RECQL5: variants seen among roughly 807,000 people sequenced by gnomAD.
The protein encoded by RECQL5 is RecQ like helicase 5, also known as ATP-dependent DNA helicase Q5.
RECQL5 carries 88 observed loss-of-function variants against 103.4 expected under a neutral mutation model. The ratio of observed to expected loss-of-function variants is 0.85; its 90% CI spans 0.72 to 1.02. The LOEUF (loss-of-function observed/expected upper bound fraction) is 1.02. Among genes scored for constraint, RECQL5 ranks in the 50% least tolerant of loss-of-function variants. The probability of loss-of-function intolerance (pLI) is 0.00; values close to 1 mark genes in which losing one functional copy is unlikely to be tolerated. For missense variants in RECQL5, 1,232 were observed against 1,284.3 expected (o/e 0.96, Z 0.62); for synonymous variants, 552 against 507.9 (o/e 1.09, Z -1.17).
intron 8 of RECQL5, 28 bp from the exon 9 acceptor site, chr17:75,631,696 G>C (rs770722205): frequency 6.3e-7 from 1 of 1,599,404 alleles, no homozygotes; most frequent in Non-Finnish European, 8.5e-7. Context: ...GCAGAGGTGA[G>C]GGGCGGAGAG....
chr17:75,665,527 T>G (rs1323054451), intron 2 of RECQL5, among the ~76,000 whole-genome samples: 1 of 152,018 alleles, frequency 6.6e-6, no homozygotes, highest in Non-Finnish European at 1.5e-5. Context: ...CTGTCTCTAC[T>G]AAGAATACAA....
At chr17:75,641,009 C>T in intron 8 of RECQL5, 1 of 1,471,902 alleles carries the variant, frequency 6.8e-7, no homozygotes. Context: ...CCCCTGGCCC[C>T]AGCTCTGGCC....
chr17:75,631,663 C>T lies in RECQL5; in HGVS notation c.1235G>A (p.Arg412His), dbSNP rs765733002. The change falls in exon 9 of 20, where the codon CGC (arginine) becomes CAC (histidine). Residue 412 changes from arginine to histidine, a missense_variant. By Grantham distance (29) the Arg-to-His change is conservative (BLOSUM62 0). Coordinates refer to ENST00000317905, the MANE Select transcript of RECQL5 (RefSeq NM_004259.7). ...GAAGTACTTGGCAATGGCGGCATGG[C>T]GGCACCTGGAGCAGGCAGCACCGCA... ...LVTFCEELGCRHAAIAKYFGD... is the reference protein window; with the variant it reads ...LVTFCEELGCHHAAIAKYFGD... 17 of 1,610,494 alleles carry T rather than the reference C, an allele frequency of 1.1e-5. No homozygotes were observed. Among genetic ancestry groups the T allele is most frequent in the South Asian group, 4.4e-5 (4 of 90,958 alleles).
intron 13 of RECQL5, 105 bp downstream of exon 13, chr17:75,630,514 A>G (rs2059187375): frequency 8.9e-6 from 11 of 1,235,550 alleles, no homozygotes; most frequent in Middle Eastern, 2.4e-4. Flanking sequence ...GAGAGGTACA[A>G]TCTGGGGAGA....
intron 6 of RECQL5, among the ~76,000 whole-genome samples, chr17:75,659,574 G>A (rs1194836783): frequency 6.6e-6 from 1 of 151,988 alleles, no homozygotes; most frequent in Non-Finnish European, 1.5e-5. Context: ...GGCTGGTCTC[G>A]AACTCCTGGG....
chr17:75,640,922 G>A lies in RECQL5; in HGVS notation c.1230-9254C>T. Reference sequence around the variant, plus strand: ...ACGGACGGGCGATGGCTGAGGAGAAGCTGGAGAGGAGATGGCCAATGCCAT... The same window carrying A: ...ACGGACGGGCGATGGCTGAGGAGAAACTGGAGAGGAGATGGCCAATGCCAT... On this transcript the variant is annotated intron_variant, in intron 8 of 19. Transcript: ENST00000317905. The surrounding 1 kb of genome is among the most constrained non-coding windows in gnomAD (Gnocchi z 4.6). 2 of 1,538,834 alleles carry A rather than the reference G, an allele frequency of 1.3e-6. No homozygotes were observed. Among genetic ancestry groups the A allele is most frequent in the Non-Finnish European group, 1.7e-6 (2 of 1,145,976 alleles).
intron 13 of RECQL5, 98 bp from the exon 14 acceptor site, chr17:75,630,375 G>C (rs1018839584): frequency 5.2e-6 from 6 of 1,143,114 alleles, no homozygotes; most frequent in Non-Finnish European, 6.2e-6. Context: ...GTAGGCCTTG[G>C]GCACAGGGAT....
In RECQL5 at chr17:75,635,813, C is replaced by T. The variant is rs562381518; in HGVS notation, c.1230-4145G>A. ...CGCGCTGCCAACACACCTCGCTTATCAGTCTCAAACACGCCGCCTGCTGCC... is the reference window on the plus strand; with the variant it reads ...CGCGCTGCCAACACACCTCGCTTATTAGTCTCAAACACGCCGCCTGCTGCC... On this transcript the variant is annotated intron_variant, in intron 8 of 19. Coordinates refer to ENST00000317905, the MANE Select transcript of RECQL5 (RefSeq NM_004259.7). 1.0e-3 allele frequency: 1,016 copies of T among 985,482 alleles called. 1 individual carries two copies. Among genetic ancestry groups the T allele is most frequent in the Middle Eastern group, 1.0e-3 (2 of 1,914 alleles). The allele number at this position is 985,482 out of a possible 1,614,324, so 61.0% of individuals were successfully genotyped here.
At chr17:75,648,444 G>A (rs2059514428) in intron 8 of RECQL5, among the ~76,000 whole-genome samples, 3 of 151,924 alleles carry the variant, frequency 2.0e-5, no homozygotes, top group African/African-American at 4.8e-5. Context: ...CGCTATCTGG[G>A]CTCACTGCAA....
intron 6 of RECQL5, among the ~76,000 whole-genome samples, chr17:75,659,581 T>C (rs2059672195): frequency 6.6e-6 from 1 of 152,252 alleles, no homozygotes; most frequent in Non-Finnish European, 1.5e-5. Context: ...CTCGAACTCC[T>C]GGGCTCAAGC....
Position 75,658,345 on chromosome 17 carries a change from G to C in RECQL5, c.1102C>G (p.Arg368Gly). 1 of 1,613,926 alleles carries C rather than the reference G, an allele frequency of 6.2e-7. No homozygotes were observed. The highest frequency in any genetic ancestry group is 8.5e-7 in the Non-Finnish European group (1 of 1,179,934). ...WCRLYYSRNDRDQVSFLIRKE... is the reference protein window; with the variant it reads ...WCRLYYSRNDGDQVSFLIRKE... ...CTGATCAGGAAGCTGACTTGGTCCC[G>C]GTCATTCCTGGAGTAATAGAGACGG... Residue 368 changes from arginine to glycine, a missense_variant, in exon 7 of 20, where the codon CGG becomes GGG. By Grantham distance (125) the Arg-to-Gly change is moderately radical. Coordinates refer to ENST00000317905, the MANE Select transcript of RECQL5 (RefSeq NM_004259.7).
Position 75,658,416 on chromosome 17 carries a change from T to A in RECQL5, c.1031A>T (p.Tyr344Phe). The A allele has an allele frequency of 6.2e-7, 1 of 1,613,922 alleles. No homozygotes were observed. Among genetic ancestry groups the A allele is most frequent in the Non-Finnish European group, 8.5e-7 (1 of 1,179,910 alleles). Reference protein sequence around the residue: ...WNIAKSMAGYYQESGRAGRDG... With the variant: ...WNIAKSMAGYFQESGRAGRDG... ...CCTGCCAGCCCGGCCAGACTCCTGG[T>A]AGTACCCAGCCATAGACTTGGCAAT... The change falls in exon 7 of 20, where the codon TAC (tyrosine) becomes TTC (phenylalanine). Residue 344 changes from tyrosine (Y) to phenylalanine (F), a missense_variant. Coordinates refer to ENST00000317905, the MANE Select transcript of RECQL5 (RefSeq NM_004259.7).
At chr17:75,662,434 C>A in intron 4 of RECQL5, 45 bp downstream of exon 4, 2 of 1,582,822 alleles carry the variant, frequency 1.3e-6, no homozygotes, top group Non-Finnish European at 8.6e-7. Flanking sequence ...TCACATCGCA[C>A]CCCACTGCTC....
chr17:75,639,738 G>A (rs569832480), intron 8 of RECQL5: 1 of 154,884 alleles, frequency 6.5e-6, no homozygotes, highest in Admixed American at 6.4e-5. Flanking sequence ...ACCTGCTCTC[G>A]GGAGAACCTG....
chr17:75,662,712 G>T lies in RECQL5; in HGVS notation c.538C>A (p.Arg180Ser). Residue 180 changes from arginine (R) to serine (S), a missense_variant, in exon 4 of 20, where the codon CGC becomes AGC. By Grantham distance (110) the Arg-to-Ser change is moderately radical. Coordinates refer to ENST00000317905, the MANE Select transcript of RECQL5 (RefSeq NM_004259.7). ...CAAGGGGCATGTCCCAGGCGGGAGC[G>T]CAGGGCACCCAGACGCAAGTAGTCA... ...RPDYLRLGAL[R>S]SRLGHAPCVA... is the part of the protein sequence containing the mutation. 7 of 1,613,964 alleles carry T rather than the reference G, an allele frequency of 4.3e-6. No individual in the cohort carries two copies. Among genetic ancestry groups the T allele is most frequent in the Non-Finnish European group, 5.9e-6 (7 of 1,180,028 alleles).
At chr17:75,635,788 C>A in intron 8 of RECQL5, 1 of 985,446 alleles carries the variant, frequency 1.0e-6, no homozygotes, top group Non-Finnish European at 1.2e-6. Flanking sequence ...TCTGGGGCCC[C>A]GCGCTGCCAA....
intron 8 of RECQL5, chr17:75,650,367 C>T: frequency 8.6e-7 from 1 of 1,164,230 alleles, no homozygotes. Context: ...AAGAGTTTCT[C>T]TGATTTCCTC....
intron 3 of RECQL5, among the ~76,000 whole-genome samples, chr17:75,664,362 A>C (rs1013847798): frequency 6.6e-6 from 1 of 152,230 alleles, no homozygotes. Context: ...GGGATTCCCC[A>C]TATCAACTTA....
chr17:75,651,067 C>G, intron 8 of RECQL5, 119 bp downstream of exon 8: 2 of 1,587,486 alleles, frequency 1.3e-6, no homozygotes, highest in Non-Finnish European at 1.7e-6. Flanking sequence ...ACAGCCTTTG[C>G]AGGCAGGTGT....
Sources: gnomAD v4.1 joint callset for allele counts (sites outside exome capture counted in the v4.1 genomes callset) on GRCh38, gnomAD v4.1.1 for gene constraint, Gnocchi (gnomAD v3.1) non-coding constraint, MANE v1.5 for transcripts, NCBI Gene and HGNC (gene_info 2026-07-23, HGNC 2026-07-21) for gene names.